Variants in ANKRD17 observed in about 807,000 individuals in gnomAD.
ANKRD17 encodes the protein ankyrin repeat domain-containing protein 17.
A neutral mutation model predicts 229.7 loss-of-function variants in ANKRD17; 19 were observed. The ratio of observed to expected loss-of-function variants is 0.08; its 90% confidence interval spans 0.06 to 0.12. The LOEUF is 0.12. Among genes scored for constraint, ANKRD17 ranks in the 10% least tolerant of loss-of-function variants. The pLI, the probability that ANKRD17 is intolerant of heterozygous loss-of-function variation, is 1.00. For missense variants in ANKRD17, 2,176 were observed against 3,176.8 expected (o/e 0.68, Z 7.57); for synonymous variants, 1,112 against 1,146.1 (o/e 0.97, Z 0.60).
At chr4:73,134,130 T>A in intron 16 of ANKRD17, among the ~76,000 whole-genome samples, 1 of 152,170 alleles carries the variant, frequency 6.6e-6, no homozygotes, top group East Asian at 1.9e-4. Flanking sequence ...ATAAAATTCC[T>A]TTTTCATAGT....
At chr4:73,088,861 C>T (rs1722481475) in intron 29 of ANKRD17, among the ~76,000 whole-genome samples, 1 of 152,000 alleles carries the variant, frequency 6.6e-6, no homozygotes, top group African/African-American at 2.4e-5. Context: ...AGCCAAATAC[C>T]AAATATTTTA....
chr4:73,246,470 T>A lies in ANKRD17; in HGVS notation c.393+11806A>T, dbSNP rs115853810. On this transcript the variant is annotated intron_variant, in intron 1 of 33. Transcript: ENST00000358602. The stretch of plus-strand genomic sequence containing the variant: ...TAACTGGATGGGACTTTGAATTGAT[T>A]CTCTTGAGGAAAGAAACAATTAGGT... Among the ~76,000 whole-genome samples, 1,025 of 152,248 alleles carry A rather than the reference T, an allele frequency of 6.7e-3. 4 individuals carry two copies. Among genetic ancestry groups the A allele is most frequent in the Non-Finnish European group, 0.011 (781 of 68,006 alleles).
chr4:73,234,853 A>G (rs1743363836), intron 1 of ANKRD17, among the ~76,000 whole-genome samples: 1 of 152,214 alleles, frequency 6.6e-6, no homozygotes, highest in South Asian at 2.1e-4. Flanking sequence ...CAACTGACCT[A>G]GCACTGTGGA....
At chr4:73,185,568 A>AT (rs1736183797) in intron 1 of ANKRD17, among the ~76,000 whole-genome samples, 1 of 152,014 alleles carries the variant, frequency 6.6e-6, no homozygotes, top group Non-Finnish European at 1.5e-5. Context: ...AAGATTTTAT[A>AT]TTTTTTCTAA....
intron 22 of ANKRD17, among the ~76,000 whole-genome samples, chr4:73,116,780 T>C (rs1726011448): frequency 6.6e-6 from 1 of 151,932 alleles, no homozygotes; most frequent in Non-Finnish European, 1.5e-5. Context: ...TAACATAGTA[T>C]ATGTTATATA....
At chr4:73,236,495 C>T (rs1743524010) in intron 1 of ANKRD17, among the ~76,000 whole-genome samples, 1 of 152,084 alleles carries the variant, frequency 6.6e-6, no homozygotes, top group Admixed American at 6.6e-5. Context: ...ATGGTTCACA[C>T]CTCAAATACC....
intron 2 of ANKRD17, among the ~76,000 whole-genome samples, chr4:73,173,149 G>T (rs191933984): frequency 6.6e-6 from 1 of 152,058 alleles, no homozygotes; most frequent in East Asian, 1.9e-4. Flanking sequence ...CCAAAAAAGC[G>T]CAAGAGTAGC....
Position 73,135,269 on chromosome 4 carries a change from T to A in ANKRD17, c.3086-4A>T. ...GCAGATGCTCTTCCACTGACTGCTG[T>A]TGAACAAAATAACTGCACTTAATAA... On this transcript the variant is annotated splice_region_variant and splice_polypyrimidine_tract_variant and intron_variant, in intron 15 of 33. Transcript: ENST00000358602. 1.2e-6 allele frequency: 2 copies of A among 1,607,538 alleles called. No homozygotes were observed. Among genetic ancestry groups the A allele is most frequent in the Admixed American group, 1.7e-5 (1 of 59,276 alleles).
At chr4:73,205,295 G>C (rs1038190576) in intron 1 of ANKRD17, among the ~76,000 whole-genome samples, 17 of 152,080 alleles carry the variant, frequency 1.1e-4, no homozygotes, top group Admixed American at 2.0e-4. Flanking sequence ...TCCAGCCTGG[G>C]TGACAGAGTA....
intron 1 of ANKRD17, among the ~76,000 whole-genome samples, chr4:73,188,033 T>C (rs1736527531): frequency 6.6e-6 from 1 of 152,068 alleles, no homozygotes; most frequent in Non-Finnish European, 1.5e-5. Flanking sequence ...GAAAAGTCTT[T>C]AAAAACAAAA....
At chr4:73,132,109 G>A (rs1311922170) in intron 16 of ANKRD17, among the ~76,000 whole-genome samples, 5 of 140,156 alleles carry the variant, frequency 3.6e-5, no homozygotes, top group Admixed American at 1.4e-4. Flanking sequence ...AAAACTAGTT[G>A]TTTTTTTTTT....
At chr4:73,162,384 G>C (rs1201573326) in intron 2 of ANKRD17, among the ~76,000 whole-genome samples, 1 of 152,022 alleles carries the variant, frequency 6.6e-6, no homozygotes, top group Non-Finnish European at 1.5e-5. Flanking sequence ...TGTAGAGGTA[G>C]AGTCTCATTT....
At chr4:73,112,606 A>G (rs1009717933) in intron 24 of ANKRD17, 1 of 509,640 alleles carries the variant, frequency 2.0e-6, no homozygotes, top group Non-Finnish European at 2.5e-6. Context: ...AATTAGAATA[A>G]AGTACTTCAA....
At chr4:73,211,906 G>A (rs1260110226) in intron 1 of ANKRD17, among the ~76,000 whole-genome samples, 1 of 148,440 alleles carries the variant, frequency 6.7e-6, no homozygotes, top group African/African-American at 2.5e-5. Flanking sequence ...GGGGTCTTAA[G>A]AGAAACTATA....
At chr4:73,248,917 T>C (rs1744740409) in intron 1 of ANKRD17, among the ~76,000 whole-genome samples, 1 of 151,998 alleles carries the variant, frequency 6.6e-6, no homozygotes, top group Admixed American at 6.6e-5. Flanking sequence ...ACAAGACTGT[T>C]TTCATTATTA....
At chr4:73,187,025 A>C (rs1736392066) in intron 1 of ANKRD17, among the ~76,000 whole-genome samples, 1 of 152,152 alleles carries the variant, frequency 6.6e-6, no homozygotes, top group Non-Finnish European at 1.5e-5. Flanking sequence ...GTGACATTTC[A>C]AACTTCTAAG....
At position 73,092,104 on chromosome 4, in the gene ANKRD17, G is replaced by C; in HGVS notation, c.5524C>G (p.Leu1842Val). The change falls in exon 29 of 34, where the codon CTG (leucine) becomes GTG (valine). Residue 1842 changes from leucine (L) to valine (V), a missense_variant. Physicochemically the swap from Leu to Val is conservative, Grantham distance 32. Around this residue, in one of 18 missense-constraint regions of ANKRD17, gnomAD observed 142 missense variants for 200.4 expected, o/e 0.71. Coordinates refer to ENST00000358602, the MANE Select transcript of ANKRD17 (RefSeq NM_032217.5). ...GTGGCAGTTTGAGATGTTGATGACA[G>C]AGCTACAGTTGTCATTTTAATTCCC... ...LMGIKMTTVA[L>V]SSTSQTATAL... The C allele has an allele frequency of 1.9e-6, 3 of 1,614,212 alleles. No individual in the cohort carries two copies. The highest frequency in any genetic ancestry group is 2.5e-6 in the Non-Finnish European group (3 of 1,180,046).
intron 25 of ANKRD17, among the ~76,000 whole-genome samples, chr4:73,101,391 C>G (rs1275139157): frequency 6.6e-6 from 1 of 152,116 alleles, no homozygotes; most frequent in East Asian, 1.9e-4. Context: ...GTGGCTGGCG[C>G]AGTGGCTCAT....
chr4:73,226,481 G>A (rs369753179), intron 1 of ANKRD17, among the ~76,000 whole-genome samples: 2 of 119,084 alleles, frequency 1.7e-5, no homozygotes, highest in African/African-American at 3.2e-5. Context: ...TGCAACCTCC[G>A]CCTCTGGATT....
Sources: allele counts gnomAD v4.1 joint callset (sites outside exome capture counted in the v4.1 genomes callset), GRCh38; gene constraint gnomAD v4.1.1; regional missense constraint gnomAD v4.1.1; transcripts MANE v1.5; gene names NCBI Gene and HGNC (gene_info 2026-07-23, HGNC 2026-07-21).